Variants in NECAB1 observed in about 807,000 individuals in gnomAD.
NECAB1 encodes the protein N-terminal EF-hand calcium-binding protein 1.
NECAB1 carries 29 observed loss-of-function variants against 57.5 expected under a neutral mutation model. The ratio of observed to expected loss-of-function variants is 0.50; its 90% CI spans 0.38 to 0.69. NECAB1 has a LOEUF of 0.69. NECAB1 is among the 30% of genes least tolerant of loss of function. The pLI, the probability that NECAB1 is intolerant of heterozygous loss-of-function variation, is 0.00. For synonymous variants in NECAB1, 142 were observed against 147.7 expected, an observed-to-expected ratio of 0.96 and a Z score of 0.28; for missense variants, 372 against 413.8, an observed-to-expected ratio of 0.90 and a Z score of 0.88.
intron 1 of NECAB1, 44 bp from the exon 2 acceptor site, chr8:90,801,647 T>C: frequency 7.5e-7 from 1 of 1,341,890 alleles, no homozygotes. Flanking sequence ...CGTTGCAATA[T>C]TTATCTAAAA....
chr8:90,874,149 A>G (rs1445623455), intron 4 of NECAB1, among the ~76,000 whole-genome samples: 2 of 152,332 alleles, frequency 1.3e-5, no homozygotes, highest in Non-Finnish European at 2.9e-5. Flanking sequence ...ATTCTAATCA[A>G]AGCCAAATGC....
At chr8:90,813,429 G>A (rs962768288) in intron 2 of NECAB1, among the ~76,000 whole-genome samples, 2 of 151,816 alleles carry the variant, frequency 1.3e-5, no homozygotes, top group African/African-American at 4.8e-5. Flanking sequence ...ATATGAATAA[G>A]TATAACTAAT....
Position 90,814,432 on chromosome 8 carries a change from A to G in NECAB1, c.125-10285A>G, listed in dbSNP as rs182782783. On this transcript the variant is annotated intron_variant, in intron 2 of 12. Coordinates refer to ENST00000417640, the MANE Select transcript of NECAB1 (RefSeq NM_022351.5). The stretch of plus-strand genomic sequence containing the variant: ...AGGAAAGTCACTATGCCCAACCCAC[A>G]CCCAAGGAGAGGGGAGTTATGCTCT... 3.3e-5 allele frequency among the ~76,000 whole-genome samples: 5 copies of G among 152,184 alleles called. No homozygotes were observed. The East Asian group carries it at 9.7e-4, about 29-fold the overall frequency.
chr8:90,807,659 G>C (rs1811874371), intron 2 of NECAB1, among the ~76,000 whole-genome samples: 1 of 152,152 alleles, frequency 6.6e-6, no homozygotes, highest in Admixed American at 6.5e-5. Context: ...GAGGGACATT[G>C]ACATAAGGCT....
chr8:90,941,037 C>T, intron 10 of NECAB1, 139 bp downstream of exon 10: 1 of 653,770 alleles, frequency 1.5e-6, no homozygotes, highest in South Asian at 1.9e-5. Flanking sequence ...GAGCATTCCA[C>T]CTGGGTGATG....
intron 5 of NECAB1, among the ~76,000 whole-genome samples, chr8:90,891,754 T>C (rs534794563): frequency 9.2e-5 from 14 of 151,898 alleles, no homozygotes; most frequent in Non-Finnish European, 1.9e-4. Flanking sequence ...AGTGCAGTGG[T>C]GGGATCTCAG....
intron 5 of NECAB1, among the ~76,000 whole-genome samples, chr8:90,882,781 G>A (rs1458435946): frequency 1.3e-5 from 2 of 152,202 alleles, no homozygotes; most frequent in African/African-American, 4.8e-5. Flanking sequence ...GAGAAGGGCA[G>A]TGTCTGGTTT....
At chr8:90,836,857 T>C (rs1471121351) in intron 3 of NECAB1, among the ~76,000 whole-genome samples, 3 of 152,346 alleles carry the variant, frequency 2.0e-5, no homozygotes, top group Middle Eastern at 3.4e-3. Flanking sequence ...GATGCAGACA[T>C]ACTGATGGAT....
At chr8:90,911,369 A>C (rs1281377661) in intron 5 of NECAB1, among the ~76,000 whole-genome samples, 4 of 152,098 alleles carry the variant, frequency 2.6e-5, no homozygotes, top group Admixed American at 6.6e-5. Flanking sequence ...GAGGAGAGAG[A>C]GGGGAATGCA....
chr8:90,885,323 A>AT (rs1465834561), intron 5 of NECAB1, among the ~76,000 whole-genome samples: 9 of 152,112 alleles, frequency 5.9e-5, no homozygotes, highest in African/African-American at 1.7e-4. Context: ...CCTGGCAATC[A>AT]TGTCACTGGT....
chr8:90,861,223 G>A (rs932082410), intron 3 of NECAB1, among the ~76,000 whole-genome samples: 1 of 152,036 alleles, frequency 6.6e-6, no homozygotes, highest in Admixed American at 6.6e-5. Flanking sequence ...ATCTTAGGAG[G>A]GCCAGCCAAG....
chr8:90,809,682 C>A (rs897009936), intron 2 of NECAB1, among the ~76,000 whole-genome samples: 1 of 152,026 alleles, frequency 6.6e-6, no homozygotes, highest in African/African-American at 2.4e-5. Flanking sequence ...TATGAAAGTG[C>A]CTTACATGTG....
chr8:90,921,068 G>A (rs578231888), intron 6 of NECAB1, among the ~76,000 whole-genome samples: 2 of 152,286 alleles, frequency 1.3e-5, no homozygotes, highest in Admixed American at 1.3e-4. Context: ...CCAGGATGGA[G>A]TGCAGTGATG....
At chr8:90,885,690 C>T (rs1204517111) in intron 5 of NECAB1, among the ~76,000 whole-genome samples, 2 of 152,056 alleles carry the variant, frequency 1.3e-5, no homozygotes, top group Non-Finnish European at 2.9e-5. Context: ...AAGTGATTCT[C>T]GTTTAATTTT....
At chr8:90,932,938 A>C (rs988533643) in intron 8 of NECAB1, among the ~76,000 whole-genome samples, 1 of 152,230 alleles carries the variant, frequency 6.6e-6, no homozygotes, top group Non-Finnish European at 1.5e-5. Context: ...CTTAATTCTC[A>C]AAAGAAGATA....
At chr8:90,804,040 C>T (rs548063751) in intron 2 of NECAB1, among the ~76,000 whole-genome samples, 1 of 152,294 alleles carries the variant, frequency 6.6e-6, no homozygotes, top group African/African-American at 2.4e-5. Flanking sequence ...TGCTTGTTGG[C>T]TGGAGATTGT....
At chr8:90,917,884 G>GCA (rs1810002810) in intron 6 of NECAB1, among the ~76,000 whole-genome samples, 1 of 84,890 alleles carries the variant, frequency 1.2e-5, no homozygotes, top group African/African-American at 4.7e-5. Flanking sequence ...GTGTGTGTGC[G>GCA]TGTATATATA....
intron 5 of NECAB1, among the ~76,000 whole-genome samples, chr8:90,902,311 T>G (rs1222284331): frequency 6.6e-6 from 1 of 152,144 alleles, no homozygotes; most frequent in African/African-American, 2.4e-5. Flanking sequence ...TCCCAACTAT[T>G]CGGGTGGCTG....
At chr8:90,859,981 G>A (rs927965289) in intron 3 of NECAB1, among the ~76,000 whole-genome samples, 1 of 152,074 alleles carries the variant, frequency 6.6e-6, no homozygotes, top group Non-Finnish European at 1.5e-5. Context: ...CTTTACAAGT[G>A]AGCCTCAGAG....
Sources: gnomAD v4.1 joint callset for allele counts (sites outside exome capture counted in the v4.1 genomes callset) on GRCh38, gnomAD v4.1.1 for gene constraint, MANE v1.5 for transcripts, NCBI Gene and HGNC (gene_info 2026-07-23, HGNC 2026-07-21) for gene names.